Variants in GGA2 observed in about 807,000 individuals in gnomAD.
The protein encoded by GGA2 is golgi associated, gamma adaptin ear containing, ARF binding protein 2.
In GGA2, 48 loss-of-function variants were observed where a neutral mutation model predicts 79.5. That is an observed-to-expected ratio of 0.60 (90% CI 0.48 to 0.77). The LOEUF (loss-of-function observed/expected upper bound fraction) is 0.77. Among genes scored for constraint, GGA2 ranks in the 30% least tolerant of loss-of-function variants. GGA2 has a pLI of 0.00. For synonymous variants in GGA2, 317 were observed against 302.0 expected (o/e 1.05, Z -0.51); for missense variants, 770 against 774.0 (o/e 0.99, Z 0.06).
chr16:23,497,272 C>A (rs1011686679), intron 1 of GGA2, among the ~76,000 whole-genome samples: 4 of 152,126 alleles, frequency 2.6e-5, no homozygotes, highest in African/African-American at 9.7e-5. Flanking sequence ...CATTATTATC[C>A]TCCTGGCCCG....
chr16:23,476,919 T>C (rs1408072985), intron 13 of GGA2, among the ~76,000 whole-genome samples: 2 of 152,168 alleles, frequency 1.3e-5, no homozygotes, highest in East Asian at 3.8e-4. Context: ...TCCTACGACT[T>C]AGGAAAAGAA....
At position 23,510,422 on chromosome 16, in the gene GGA2, C is replaced by G; in HGVS notation, c.-11G>C. ...CGCGGTCGCCGCCATCGCTCCAGCC[C>G]CGACGCTGCGGCCGCGGGCGCCACT... On this transcript the variant is annotated 5_prime_UTR_variant, in exon 1 of 17. Coordinates refer to ENST00000309859, the MANE Select transcript of GGA2 (RefSeq NM_015044.4). 8.5e-7 allele frequency: 1 copy of G among 1,180,950 alleles called. No individual in the cohort carries two copies. Among genetic ancestry groups the G allele is most frequent in the Non-Finnish European group, 1.1e-6 (1 of 912,028 alleles). 73.2% of individuals were successfully genotyped at this position (1,180,950 alleles called of 1,614,324 possible).
In GGA2 at chr16:23,478,347, C is replaced by T. The variant is rs1405988682; in HGVS notation, c.1292+21G>A. 3.2e-6 allele frequency: 5 copies of T among 1,553,164 alleles called. No individual in the cohort carries two copies. In the Admixed American group the frequency reaches 9.6e-5, roughly 30 times the overall value. ...CACTCAGGAGCCACACTCTCCCACT[C>T]CCCTTGCCCAGAAGACTCACAGAGG... On this transcript the variant is annotated intron_variant, in intron 13 of 16. Transcript: ENST00000309859.
rs538613904 is a variant in GGA2 at position 23,492,812 on chromosome 16, G to T, written c.351+548C>A. On this transcript the variant is annotated intron_variant, in intron 4 of 16. Transcript: ENST00000309859. ...GGACACATGAGACTCACGGCTGGCA[G>T]CTGAAACACAGGAAGCCTAAGCAGC... Among the ~76,000 whole-genome samples the T allele has an allele frequency of 2.6e-5, 4 of 152,346 alleles. No individual in the cohort carries two copies. In the South Asian group the frequency reaches 8.3e-4, roughly 32 times the overall value.
chr16:23,472,188 T>G (rs1217098082), intron 14 of GGA2, among the ~76,000 whole-genome samples: 3 of 129,602 alleles, frequency 2.3e-5, no homozygotes, highest in East Asian at 2.3e-4. Flanking sequence ...GCCCTGGTTT[T>G]TTTTTTTTTT....
At chr16:23,521,649 C>T (rs1567375175) in intron 1 of GGA2, 3 of 440,742 alleles carry the variant, frequency 6.8e-6, no homozygotes, top group Admixed American at 2.4e-5. Context: ...AGCCTACCAC[C>T]TTTGCCTCAC....
At chr16:23,514,005 T>G (rs1459105731), upstream of GGA2, among the ~76,000 whole-genome samples, 1 of 152,058 alleles carries the variant, frequency 6.6e-6, no homozygotes, top group Non-Finnish European at 1.5e-5. Flanking sequence ...TTTTGTTCAA[T>G]CCTATTTCTA....
chr16:23,470,725 A>G (rs1055719850), intron 14 of GGA2, among the ~76,000 whole-genome samples: 2 of 148,166 alleles, frequency 1.3e-5, no homozygotes, highest in African/African-American at 5.0e-5. Flanking sequence ...CTCCAGCCTA[A>G]GTGACAGAGC....
At chr16:23,471,035 G>A (rs1964504856) in intron 14 of GGA2, among the ~76,000 whole-genome samples, 1 of 151,734 alleles carries the variant, frequency 6.6e-6, no homozygotes, top group Non-Finnish European at 1.5e-5. Flanking sequence ...TCTCCATGTT[G>A]GTCAGGCTGG....
intron 14 of GGA2, among the ~76,000 whole-genome samples, chr16:23,474,586 G>C (rs1156534595): frequency 6.6e-6 from 1 of 151,984 alleles, no homozygotes; most frequent in Non-Finnish European, 1.5e-5. Flanking sequence ...TGGAACTCCT[G>C]GCCTCAAGTG....
chr16:23,520,082 A>G (rs1965127027), intron 1 of GGA2, among the ~76,000 whole-genome samples: 1 of 152,088 alleles, frequency 6.6e-6, no homozygotes, highest in Non-Finnish European at 1.5e-5. Context: ...CCCCGTCTCT[A>G]CTAAAAATAC....
exon 1 of GGA2, chr16:23,521,986 T>A: frequency 1.1e-5 from 4 of 350,844 alleles, no homozygotes; most frequent in African/African-American, 2.2e-5. Flanking sequence ...TCCATATCTG[T>A]AACAGAAAAA....
intron 1 of GGA2, among the ~76,000 whole-genome samples, chr16:23,499,053 A>C: frequency 6.6e-6 from 1 of 151,790 alleles, no homozygotes; most frequent in Non-Finnish European, 1.5e-5. Flanking sequence ...AGAGAACAGG[A>C]GGCATGGCCC....
At chr16:23,475,804 C>T (rs1308026716) in intron 13 of GGA2, among the ~76,000 whole-genome samples, 1 of 151,588 alleles carries the variant, frequency 6.6e-6, no homozygotes, top group Non-Finnish European at 1.5e-5. Context: ...GTGGCACACG[C>T]TTGTAATACC....
At chr16:23,478,955 C>A (rs1964612738) in intron 11 of GGA2, 44 bp from the exon 12 acceptor site, 1 of 1,373,030 alleles carries the variant, frequency 7.3e-7, no homozygotes, top group African/African-American at 1.4e-5. Flanking sequence ...GTAACTCCAC[C>A]TGCTTCCAGA....
intron 14 of GGA2, among the ~76,000 whole-genome samples, chr16:23,470,668 C>T (rs377701974): frequency 1.3e-5 from 2 of 151,826 alleles, no homozygotes; most frequent in Admixed American, 6.6e-5. Context: ...GAGGCTGAGG[C>T]ACGAAAATCA....
At chr16:23,483,035 C>G (rs376919279) in intron 8 of GGA2, 31 bp from the exon 9 acceptor site, 1 of 1,436,942 alleles carries the variant, frequency 7.0e-7, no homozygotes, top group Admixed American at 1.7e-5. Context: ...TCATGACACA[C>G]GCCCAGGCAC....
intron 1 of GGA2, 145 bp from the exon 2 acceptor site, chr16:23,495,923 C>T (rs1964849501): frequency 3.7e-6 from 2 of 541,630 alleles, no homozygotes; most frequent in Non-Finnish European, 6.7e-6. Flanking sequence ...AGGAATTGTG[C>T]CTGCGCTGCC....
chr16:23,495,755 A>AC lies in GGA2; in HGVS notation c.114dup (p.Ser39ValfsTer13). 1 of 1,612,380 alleles carries AC rather than the reference A, an allele frequency of 6.2e-7. No homozygotes were observed. Among genetic ancestry groups the AC allele is most frequent in the Non-Finnish European group, 8.5e-7 (1 of 1,178,494 alleles). On this transcript the variant is annotated frameshift_variant, in exon 2 of 17. Coordinates refer to ENST00000309859, the MANE Select transcript of GGA2 (RefSeq NM_015044.4). LOFTEE classifies it high-confidence loss of function. ...TGGATAGCTGACCAATCCTGTTCCG[A>AC]CATGCTTGGGTCTGTGGCTTTGTCT...
Sources: allele counts gnomAD v4.1 joint callset (sites outside exome capture counted in the v4.1 genomes callset), GRCh38; gene constraint gnomAD v4.1.1; transcripts MANE v1.5; gene names NCBI Gene and HGNC (gene_info 2026-07-23, HGNC 2026-07-21).